Variants in GNAL observed in about 807,000 individuals in gnomAD.
GNAL encodes guanine nucleotide-binding protein G(olf) subunit alpha.
In GNAL, 18 loss-of-function variants were observed where a neutral mutation model predicts 55.1. That is an observed-to-expected ratio of 0.33 (90% confidence interval 0.23 to 0.48). The LOEUF (loss-of-function observed/expected upper bound fraction) is 0.48. GNAL is among the 20% of genes least tolerant of loss of function. The probability of loss-of-function intolerance (pLI) is 0.99; values close to 1 mark genes in which losing one functional copy is unlikely to be tolerated. For missense variants in GNAL, 412 were observed against 614.1 expected, an observed-to-expected ratio of 0.67 and a Z score of 3.48; for synonymous variants, 253 against 237.0, an observed-to-expected ratio of 1.07 and a Z score of -0.62.
At chr18:11,715,757 T>C (rs2031947753) in intron 1 of GNAL, among the ~76,000 whole-genome samples, 1 of 152,114 alleles carries the variant, frequency 6.6e-6, no homozygotes, top group Non-Finnish European at 1.5e-5. Flanking sequence ...GGGTTTTACT[T>C]TGGCTATTTA....
In GNAL at chr18:11,752,839, C is replaced by A. The variant is rs2032902873; in HGVS notation, c.377-14C>A. 6.3e-7 allele frequency: 1 copy of A among 1,586,806 alleles called. No individual in the cohort carries two copies. Among genetic ancestry groups the A allele is most frequent in the African/African-American group, 1.3e-5 (1 of 74,492 alleles). ...CCGGACACAGATCACAGCGTTCTTT[C>A]TGTTTGTTTGCAGGGGCTGGTGAGT... On this transcript the variant is annotated splice_polypyrimidine_tract_variant and intron_variant, in intron 1 of 11. Transcript: ENST00000334049. This position sits in a 1 kb window ranked among gnomAD's most constrained non-coding sequence, Gnocchi z 4.5.
intron 4 of GNAL, among the ~76,000 whole-genome samples, chr18:11,765,090 G>A (rs2033363147): frequency 6.6e-6 from 1 of 152,150 alleles, no homozygotes; most frequent in African/African-American, 2.4e-5. Context: ...CATAAAAAAT[G>A]CATCATTTCA....
chr18:11,733,290 A>G (rs931384644), intron 1 of GNAL, among the ~76,000 whole-genome samples: 3 of 152,226 alleles, frequency 2.0e-5, no homozygotes, highest in Non-Finnish European at 2.9e-5. Context: ...AGCTCCTGCT[A>G]TATAAAAGGG....
chr18:11,819,827 T>A lies in GNAL; in HGVS notation c.625-5091T>A, dbSNP rs564449759. Among the ~76,000 whole-genome samples, 23 of 152,118 alleles carry A rather than the reference T, an allele frequency of 1.5e-4. No individual in the cohort carries two copies. In the South Asian group the frequency reaches 4.8e-3, roughly 32 times the overall value. On this transcript the variant is annotated intron_variant, in intron 4 of 11. Coordinates refer to ENST00000334049, the MANE Select transcript of GNAL (RefSeq NM_182978.4). ...CCGTTGTTTTTTAAAATGTATGAGA[T>A]CTATAGGGAAGGAAAAAAACTAGAG...
intron 4 of GNAL, among the ~76,000 whole-genome samples, chr18:11,784,838 G>T (rs764476103): frequency 2.0e-5 from 3 of 152,152 alleles, no homozygotes; most frequent in Non-Finnish European, 4.4e-5. Flanking sequence ...TGAGAAAGCT[G>T]CATGAGCCTG....
chr18:11,825,729 CA>C (rs60460793), intron 5 of GNAL, among the ~76,000 whole-genome samples: 7,796 of 76,726 alleles, frequency 0.1, 286 homozygotes, highest in African/African-American at 0.2. Context: ...GACTCTGTCT[CA>C]AAAAAAAAAA....
At chr18:11,848,491 C>G (rs375600402) in intron 5 of GNAL, among the ~76,000 whole-genome samples, 25 of 147,938 alleles carry the variant, frequency 1.7e-4, no homozygotes, top group African/African-American at 4.5e-4. Flanking sequence ...GAGTCTCTCT[C>G]TGTCACCCAG....
rs868491990 is a variant in GNAL at position 11,689,805 on chromosome 18, T to C, written c.242T>C (p.Leu81Pro). 6.5e-7 allele frequency: 1 copy of C among 1,539,438 alleles called. No homozygotes were observed. Among genetic ancestry groups the C allele is most frequent in the Non-Finnish European group, 8.7e-7 (1 of 1,145,922 alleles). The change falls in exon 1 of 12, where the codon CTG becomes CCG. Residue 81 changes from leucine (L) to proline (P), a missense_variant. Leu to Pro is a moderately conservative substitution (Grantham distance 98). Coordinates refer to ENST00000334049, the MANE Select transcript of GNAL (RefSeq NM_182978.4). ...PKEKRQRTEQ[L>P]SAEEREAAKE... Reference sequence around the variant, plus strand: ...GAGAAGCGGCAGCGCACCGAGCAGCTGAGTGCCGAGGAGCGCGAGGCGGCC... The same window carrying C: ...GAGAAGCGGCAGCGCACCGAGCAGCCGAGTGCCGAGGAGCGCGAGGCGGCC...
intron 4 of GNAL, among the ~76,000 whole-genome samples, chr18:11,764,417 G>T (rs916921471): frequency 1.3e-5 from 2 of 152,168 alleles, no homozygotes; most frequent in African/African-American, 4.8e-5. Context: ...CAAATATCCT[G>T]TTCTTATCAA....
intron 1 of GNAL, among the ~76,000 whole-genome samples, chr18:11,692,654 C>T (rs927945167): frequency 2.7e-5 from 4 of 149,614 alleles, no homozygotes; most frequent in Admixed American, 2.7e-4. Context: ...CGGTGGCTCA[C>T]GCCTGTAATC....
At chr18:11,799,937 C>T (rs2034480850) in intron 4 of GNAL, among the ~76,000 whole-genome samples, 5 of 152,126 alleles carry the variant, frequency 3.3e-5, no homozygotes, top group Admixed American at 3.3e-4. Context: ...TTCCCTCCCC[C>T]TGTACGTGTC....
chr18:11,697,233 AG>A (rs1268727600), intron 1 of GNAL, among the ~76,000 whole-genome samples: 1 of 152,220 alleles, frequency 6.6e-6, no homozygotes, highest in African/African-American at 2.4e-5. Flanking sequence ...CAGCTGCAAC[AG>A]CCCAGTCAAG....
chr18:11,754,417 C>CAA (rs777493527), intron 4 of GNAL, among the ~76,000 whole-genome samples: 2 of 119,474 alleles, frequency 1.7e-5, no homozygotes, highest in African/African-American at 3.0e-5. Context: ...ACTCCCATCT[C>CAA]AAAAAAAAAA....
intron 4 of GNAL, among the ~76,000 whole-genome samples, chr18:11,791,216 G>A (rs1863121): frequency 1 from 151,951 of 152,336 alleles, 75,785 homozygotes; most frequent in Middle Eastern, 1. Context: ...TAGGATCCTA[G>A]TGAAGGTTTC....
rs556162698 is a variant in GNAL, at chr18:11,769,588, T to C, written c.624+15643T>C. Among the ~76,000 whole-genome samples, 39 of 152,342 alleles carry C rather than the reference T, an allele frequency of 2.6e-4. 1 individual carries two copies. Among genetic ancestry groups the C allele is most frequent in the Admixed American group, 2.5e-3 (38 of 15,300 alleles). ...CTTTTAGCTTAAAGTGAATCCACAG[T>C]TGTGGGAGTTAGTTTATTACACATG... On this transcript the variant is annotated intron_variant, in intron 4 of 11. Transcript: ENST00000334049.
At chr18:11,877,964 A>G (rs2036572459) in intron 11 of GNAL, among the ~76,000 whole-genome samples, 1 of 152,234 alleles carries the variant, frequency 6.6e-6, no homozygotes. Context: ...ACAGCAAGAG[A>G]GCCTTTACTT....
chr18:11,845,819 CAGAG>C (rs1476081185), intron 5 of GNAL, among the ~76,000 whole-genome samples: 2 of 118,384 alleles, frequency 1.7e-5, no homozygotes, highest in Non-Finnish European at 4.1e-5. Flanking sequence ...GGGAGAGAGA[CAGAG>C]AGAGAAGGGG....
rs558652668 is a variant in GNAL, at chr18:11,866,374, T to G, written c.852-794T>G. 1.8e-4 allele frequency among the ~76,000 whole-genome samples: 27 copies of G among 150,440 alleles called. 1 individual carries two copies. The highest frequency in any genetic ancestry group is 1.4e-3 in the Admixed American group (21 of 15,262). On this transcript the variant is annotated intron_variant, in intron 7 of 11. Transcript: ENST00000334049. ...CCGTGTGGTCCTAAGGCACATGCAT[T>G]ATGTTTAGGGAGGGGAGAAATCTCA...
rs1432137820 is a variant in GNAL, at chr18:11,825,013, A to G, written c.720A>G (p.Gln240=). The change falls in exon 5 of 12, where the codon CAA becomes CAG. Residue 240 remains glutamine (Q), a splice_region_variant and synonymous_variant. Transcript: ENST00000334049. ...SNEYQLIDCA[Q]YFLERIDSVS... The stretch of plus-strand genomic sequence containing the variant: ...AATACCAGCTGATTGACTGTGCACA[A>G]TAGTAAGTTGTGTCCTGTACAAGTT... 15 of 1,538,514 alleles carry G rather than the reference A, an allele frequency of 9.7e-6. No homozygotes were observed. Among genetic ancestry groups the G allele is most frequent in the African/African-American group, 4.1e-5 (3 of 73,224 alleles).
Sources: gnomAD v4.1 joint callset for allele counts (sites outside exome capture counted in the v4.1 genomes callset) on GRCh38, gnomAD v4.1.1 for gene constraint, Gnocchi (gnomAD v3.1) non-coding constraint, MANE v1.5 for transcripts, NCBI Gene and HGNC (gene_info 2026-07-23, HGNC 2026-07-21) for gene names.